The following FIG4 variants were observed in gnomAD, a reference collection of about 807,000 sequenced individuals.
FIG4 encodes the protein FIG4 phosphoinositide 5-phosphatase.
Under a neutral mutation model 118.6 loss-of-function variants are expected in FIG4, and 112 were observed. That is an observed-to-expected ratio of 0.94 (90% confidence interval 0.81 to 1.11). The LOEUF (loss-of-function observed/expected upper bound fraction) is 1.11, where lower values mean the gene tolerates loss of function less well. Among genes scored for constraint, FIG4 ranks in the 50% least tolerant of loss-of-function variants. The pLI is 0.00. For missense variants in FIG4, 969 were observed against 1,111.7 expected, an observed-to-expected ratio of 0.87 and a Z score of 1.83; for synonymous variants, 369 against 381.2, an observed-to-expected ratio of 0.97 and a Z score of 0.37.
chr6:109,792,983 G>C (rs568808793), intron 21 of FIG4, among the ~76,000 whole-genome samples: 2 of 151,996 alleles, frequency 1.3e-5, no homozygotes, highest in African/African-American at 2.4e-5. Flanking sequence ...GAGCCACTGC[G>C]TCCAGCCTAA....
rs1583782863 is a variant in FIG4 at position 109,822,828 on chromosome 6, TC to T, written c.2547-2259del. 3.7e-5 allele frequency among the ~76,000 whole-genome samples: 5 copies of T among 134,758 alleles called. No homozygotes were observed. The East Asian group carries it at 8.7e-4, about 23-fold the overall frequency. The allele number at this position is 134,758 out of a possible 152,430, so 88.4% of individuals were successfully genotyped here. On this transcript the variant is annotated intron_variant, in intron 22 of 22. Transcript: ENST00000230124. ...ATATATATATATATATATATATATA[TC>T]GCTTTCTTCAGCATTGTTTTTAAAG...
At chr6:109,734,419 TTATA>T (rs1462524483) in intron 5 of FIG4, among the ~76,000 whole-genome samples, 3 of 150,218 alleles carry the variant, frequency 2.0e-5, no homozygotes, top group Admixed American at 6.7e-5. Context: ...GTATGCATAT[TTATA>T]TATGCATATT....
chr6:109,747,840 C>T (rs1776552074), intron 10 of FIG4, among the ~76,000 whole-genome samples: 1 of 152,074 alleles, frequency 6.6e-6, no homozygotes. Flanking sequence ...GGCTGGAGTG[C>T]AGTGGCAAGA....
At chr6:109,732,999 G>A (rs1244098658) in intron 5 of FIG4, among the ~76,000 whole-genome samples, 5 of 152,096 alleles carry the variant, frequency 3.3e-5, no homozygotes, top group Non-Finnish European at 5.9e-5. Flanking sequence ...CATTCAGCCT[G>A]TAATAAGAGT....
intron 1 of FIG4, 125 bp from the exon 2 acceptor site, chr6:109,714,953 A>G (rs1227549662): frequency 3.3e-6 from 2 of 608,990 alleles, no homozygotes; most frequent in Admixed American, 3.0e-5. Context: ...TATACATAAC[A>G]GAAATATTTC....
intron 10 of FIG4, among the ~76,000 whole-genome samples, chr6:109,756,458 T>C (rs930172935): frequency 3.9e-4 from 59 of 152,004 alleles, no homozygotes; most frequent in Non-Finnish European, 7.4e-4. Flanking sequence ...GTGTTCTCTG[T>C]ATTTCCTGAA....
rs1468336267 is a variant in FIG4, at chr6:109,786,384, C to G, written c.2031C>G (p.Phe677Leu). 1 of 1,613,848 alleles carries G rather than the reference C, an allele frequency of 6.2e-7. No homozygotes were observed. Among genetic ancestry groups the G allele is most frequent in the Non-Finnish European group, 8.5e-7 (1 of 1,179,876 alleles). Residue 677 changes from phenylalanine (F) to leucine (L), a missense_variant, in exon 18 of 23, where the codon TTC becomes TTG. By Grantham distance (22) the Phe-to-Leu change is conservative. Transcript: ENST00000230124. ...AAGAGATTGATATCCACAATGAGTT[C>G]TTTCGGCCATATGAGTTGAGCAGCT... ...YEEEIDIHNE[F>L]FRPYELSSFD...
intron 8 of FIG4, among the ~76,000 whole-genome samples, chr6:109,742,153 T>C (rs763987366): frequency 2.6e-5 from 4 of 152,012 alleles, no homozygotes; most frequent in Admixed American, 6.6e-5. Context: ...TTCTATAATA[T>C]ATGAAATGCG....
chr6:109,824,415 GATT>G (rs1562703881), intron 22 of FIG4, among the ~76,000 whole-genome samples: 1 of 152,172 alleles, frequency 6.6e-6, no homozygotes, highest in Admixed American at 6.5e-5. Context: ...AAGTGGGGGT[GATT>G]ATTGTCAGCT....
intron 15 of FIG4, among the ~76,000 whole-genome samples, chr6:109,774,969 A>C (rs776123718): frequency 2.0e-5 from 3 of 152,158 alleles, no homozygotes; most frequent in Non-Finnish European, 2.9e-5. Context: ...TTCAAAAATG[A>C]ATTTTTTTCT....
At chr6:109,697,125 G>C (rs1287351016) in intron 1 of FIG4, among the ~76,000 whole-genome samples, 1 of 152,058 alleles carries the variant, frequency 6.6e-6, no homozygotes, top group Non-Finnish European at 1.5e-5. Flanking sequence ...AGCTGGGCAT[G>C]GTGGTGGGCG....
chr6:109,764,061 A>G, intron 13 of FIG4, 79 bp downstream of exon 13: 1 of 897,114 alleles, frequency 1.1e-6, no homozygotes, highest in Admixed American at 1.8e-5. Flanking sequence ...GCAATCATGG[A>G]AAGACCTGTA....
At chr6:109,736,103 T>C (rs1177949231) in intron 6 of FIG4, among the ~76,000 whole-genome samples, 1 of 152,154 alleles carries the variant, frequency 6.6e-6, no homozygotes, top group African/African-American at 2.4e-5. Context: ...TAAGACACTT[T>C]AGTTGTGTTC....
chr6:109,824,747 A>G (rs1032925535), intron 22 of FIG4, among the ~76,000 whole-genome samples: 2 of 152,216 alleles, frequency 1.3e-5, no homozygotes, highest in African/African-American at 4.8e-5. Flanking sequence ...AAGGAAAAAG[A>G]GCAAAAAGTC....
intron 4 of FIG4, among the ~76,000 whole-genome samples, chr6:109,728,091 A>G (rs1453050630): frequency 6.6e-6 from 1 of 152,214 alleles, no homozygotes; most frequent in Non-Finnish European, 1.5e-5. Flanking sequence ...TTGGAGTATA[A>G]TAATGGTTTG....
intron 18 of FIG4, among the ~76,000 whole-genome samples, chr6:109,789,026 T>C (rs898749595): frequency 6.6e-6 from 1 of 152,264 alleles, no homozygotes; most frequent in African/African-American, 2.4e-5. Context: ...AACCTCAGCC[T>C]AATGAGGTAG....
At chr6:109,707,541 G>A (rs1775125527) in intron 1 of FIG4, among the ~76,000 whole-genome samples, 1 of 151,348 alleles carries the variant, frequency 6.6e-6, no homozygotes, top group African/African-American at 2.4e-5. Flanking sequence ...TGTTCATGTT[G>A]TAATATACAG....
intron 22 of FIG4, among the ~76,000 whole-genome samples, chr6:109,801,651 G>A (rs539577587): frequency 3.0e-4 from 46 of 152,332 alleles, no homozygotes; most frequent in Non-Finnish European, 6.2e-4. Context: ...AAGACTGGGT[G>A]AATGCCCCTC....
At chr6:109,770,602 G>A (rs1777429193) in intron 15 of FIG4, among the ~76,000 whole-genome samples, 1 of 152,076 alleles carries the variant, frequency 6.6e-6, no homozygotes, top group Admixed American at 6.6e-5. Flanking sequence ...GAAACATCGT[G>A]CCATTATCTT....
Sources: allele counts gnomAD v4.1 joint callset (sites outside exome capture counted in the v4.1 genomes callset), GRCh38; gene constraint gnomAD v4.1.1; transcripts MANE v1.5; gene names NCBI Gene and HGNC (gene_info 2026-07-23, HGNC 2026-07-21).